The following SCN9A variants were observed in gnomAD, a reference collection of about 807,000 sequenced individuals.
SCN9A encodes the protein sodium voltage-gated channel alpha subunit 9.
Under a neutral mutation model 187.0 loss-of-function variants are expected in SCN9A, and 131 were observed. That is an observed-to-expected ratio of 0.70 (90% CI 0.61 to 0.81). The LOEUF is 0.81. SCN9A is among the 30% of genes least tolerant of loss of function. The pLI is 0.00. For missense variants in SCN9A, 2,252 were observed against 2,396.6 expected (o/e 0.94, Z 1.26); for synonymous variants, 809 against 808.6 (o/e 1.00, Z -0.01).
At chr2:166,220,450 T>C (rs1349506198) in intron 24 of SCN9A, among the ~76,000 whole-genome samples, 1 of 152,172 alleles carries the variant, frequency 6.6e-6, no homozygotes. Flanking sequence ...TCTGCCTCCT[T>C]TTCTCACTTA....
At chr2:166,286,203 T>TA (rs1249884703) in intron 11 of SCN9A, 133 bp downstream of exon 11, 2 of 819,164 alleles carry the variant, frequency 2.4e-6, no homozygotes, top group African/African-American at 3.4e-5. Flanking sequence ...TGCCTAGCGA[T>TA]ACTAGGTTTT....
At chr2:166,211,083 TC>T (rs1218634272) in intron 24 of SCN9A, among the ~76,000 whole-genome samples, 3 of 148,306 alleles carry the variant, frequency 2.0e-5, no homozygotes, top group Non-Finnish European at 4.5e-5. Context: ...AAAGAAAGTC[TC>T]CACTAGAGAC....
intron 7 of SCN9A, chr2:166,301,206 G>A (rs1213077554): frequency 6.7e-6 from 1 of 148,452 alleles, no homozygotes; most frequent in South Asian, 2.1e-4. Flanking sequence ...ATTAAAGGCT[G>A]TCTGTGTACA....
chr2:166,251,514 A>C (rs1347447029), intron 18 of SCN9A, among the ~76,000 whole-genome samples: 1 of 152,066 alleles, frequency 6.6e-6, no homozygotes, highest in Admixed American at 6.6e-5. Context: ...GCTCTAAAAT[A>C]AGAAGTAGTA....
intron 1 of SCN9A, among the ~76,000 whole-genome samples, chr2:166,355,363 A>G (rs1411703256): frequency 1.6e-4 from 25 of 152,196 alleles, no homozygotes. Context: ...CATTTAAAAA[A>G]AAACTTCATA....
chr2:166,206,278 T>TGTTA (rs1693799968), intron 24 of SCN9A, among the ~76,000 whole-genome samples: 1 of 152,068 alleles, frequency 6.6e-6, no homozygotes, highest in Non-Finnish European at 1.5e-5. Context: ...TGTCCATCAA[T>TGTTA]AATAGACTGG....
chr2:166,322,244 C>T (rs576019908), intron 1 of SCN9A, among the ~76,000 whole-genome samples: 1 of 152,044 alleles, frequency 6.6e-6, no homozygotes, highest in Non-Finnish European at 1.5e-5. Flanking sequence ...CTTTAATATA[C>T]AGCTCGATTT....
At chr2:166,286,809 C>T (rs536790174) in intron 10 of SCN9A, among the ~76,000 whole-genome samples, 186 bp from the exon 11 acceptor site, 1 of 152,202 alleles carries the variant, frequency 6.6e-6, no homozygotes, top group African/African-American at 2.4e-5. Context: ...TGGTTTTTGT[C>T]TCAGGTTGAA....
chr2:166,333,104 T>C (rs1042416096), intron 1 of SCN9A, among the ~76,000 whole-genome samples: 4 of 151,922 alleles, frequency 2.6e-5, no homozygotes, highest in Non-Finnish European at 5.9e-5. Flanking sequence ...TCTAAACCAG[T>C]GGTCCTCAAC....
chr2:166,277,480 T>A, intron 15 of SCN9A, 141 bp from the exon 16 acceptor site: 1 of 590,800 alleles, frequency 1.7e-6, no homozygotes, highest in South Asian at 2.8e-5. Flanking sequence ...ATTCTTATTT[T>A]TCATTTTCAT....
At chr2:166,206,778 T>G (rs1693827149) in intron 24 of SCN9A, among the ~76,000 whole-genome samples, 1 of 152,148 alleles carries the variant, frequency 6.6e-6, no homozygotes, top group African/African-American at 2.4e-5. Flanking sequence ...AATGATAATA[T>G]ACATTTCTAT....
chr2:166,250,978 C>T (rs528078431), intron 18 of SCN9A, among the ~76,000 whole-genome samples: 1 of 150,974 alleles, frequency 6.6e-6, no homozygotes, highest in African/African-American at 2.4e-5. Flanking sequence ...GTAAACCATA[C>T]TAAAGTTTTG....
At chr2:166,315,184 T>C (rs1699079043) in intron 1 of SCN9A, among the ~76,000 whole-genome samples, 1 of 152,212 alleles carries the variant, frequency 6.6e-6, no homozygotes, top group African/African-American at 2.4e-5. Flanking sequence ...CACTAGACTT[T>C]CAGTGTAGAC....
chr2:166,319,673 A>G (rs1201449443), intron 1 of SCN9A, among the ~76,000 whole-genome samples: 1 of 152,186 alleles, frequency 6.6e-6, no homozygotes, highest in African/African-American at 2.4e-5. Flanking sequence ...TAATCATCTC[A>G]CAAATGTGCC....
chr2:166,332,614 C>G (rs1699531836), intron 1 of SCN9A, among the ~76,000 whole-genome samples: 2 of 152,046 alleles, frequency 1.3e-5, no homozygotes, highest in Admixed American at 1.3e-4. Context: ...AATATTGTTC[C>G]TATCATATTA....
At position 166,293,213 on chromosome 2, in the gene SCN9A, G is replaced by A. The variant is rs1698153655; in HGVS notation, c.1107+18C>T. ...TATGCCATTCAAAAATACAATGCAT[G>A]TTTCTCTTGGTACTCACCTGTTGGT... is the stretch of plus-strand genomic sequence containing the variant. On this transcript the variant is annotated intron_variant, in intron 9 of 26. Transcript: ENST00000642356. The A allele has an allele frequency of 1.9e-6, 3 of 1,569,722 alleles. No homozygotes were observed. The highest frequency in any genetic ancestry group is 1.4e-5 in the African/African-American group (1 of 74,014).
chr2:166,208,686 G>A (rs1408854804), intron 24 of SCN9A, among the ~76,000 whole-genome samples: 1 of 152,148 alleles, frequency 6.6e-6, no homozygotes, highest in East Asian at 1.9e-4. Flanking sequence ...ATGAATAGTT[G>A]GAAAAACTAG....
chr2:166,276,526 T>C (rs1307987424), intron 16 of SCN9A: 1 of 152,470 alleles, frequency 6.6e-6, no homozygotes, highest in Non-Finnish European at 1.5e-5. Flanking sequence ...ATAACAGGCA[T>C]TGGACTGGCT....
chr2:166,233,200 T>C (rs1695170265), intron 21 of SCN9A, 140 bp downstream of exon 21: 3 of 391,110 alleles, frequency 7.7e-6, no homozygotes, highest in South Asian at 6.9e-5. Context: ...TATGTATATA[T>C]GTATATGTAC....
Sources: gnomAD v4.1 joint callset for allele counts (sites outside exome capture counted in the v4.1 genomes callset) on GRCh38, gnomAD v4.1.1 for gene constraint, MANE v1.5 for transcripts, NCBI Gene and HGNC (gene_info 2026-07-23, HGNC 2026-07-21) for gene names.